The following CFAP54 variants were observed in gnomAD, a reference collection of about 807,000 sequenced individuals.
CFAP54 encodes the protein cilia and flagella associated protein 54, also known as cilia- and flagella-associated protein 54.
CFAP54 carries 290 observed loss-of-function variants against 370.4 expected under a neutral mutation model. The observed-to-expected ratio is 0.78, with a 90% CI of 0.71 to 0.86. The LOEUF (loss-of-function observed/expected upper bound fraction) is 0.86, where lower values mean the gene tolerates loss of function less well. Among genes scored for constraint, CFAP54 ranks in the 40% least tolerant of loss-of-function variants. CFAP54 has a pLI of 0.00. For synonymous variants in CFAP54, 1,206 were observed against 1,236.5 expected (o/e 0.98, Z 0.52); for missense variants, 3,399 against 3,528.7 (o/e 0.96, Z 0.93).
intron 9 of CFAP54, among the ~76,000 whole-genome samples, chr12:96,530,832 A>G (rs970882405): frequency 6.6e-6 from 1 of 152,232 alleles, no homozygotes; most frequent in Admixed American, 6.5e-5. Context: ...CATCCTTGAC[A>G]GAATTTGGTG....
intron 12 of CFAP54, among the ~76,000 whole-genome samples, chr12:96,537,995 C>T (rs545118783): frequency 3.3e-5 from 5 of 151,748 alleles, no homozygotes; most frequent in East Asian, 2.0e-4. Flanking sequence ...AGCTGAGGCA[C>T]GAGAATCGCT....
intron 35 of CFAP54, among the ~76,000 whole-genome samples, chr12:96,651,358 C>A (rs1956855500): frequency 6.6e-6 from 1 of 152,188 alleles, no homozygotes; most frequent in Admixed American, 6.5e-5. Flanking sequence ...ATTTCCTCAT[C>A]TGTAAATTGG....
At chr12:96,771,377 A>C (rs566576115) in intron 60 of CFAP54, among the ~76,000 whole-genome samples, 1 of 152,316 alleles carries the variant, frequency 6.6e-6, no homozygotes, top group East Asian at 1.9e-4. Context: ...TTAGTCCCGG[A>C]AGCAGTGGCT....
intron 26 of CFAP54, among the ~76,000 whole-genome samples, chr12:96,620,448 C>A (rs1388283711): frequency 6.6e-6 from 1 of 152,212 alleles, no homozygotes; most frequent in Non-Finnish European, 1.5e-5. Flanking sequence ...CCATGTAAGA[C>A]ATGACTTTGC....
chr12:96,733,542 GTT>G (rs35984233), intron 50 of CFAP54, among the ~76,000 whole-genome samples: 34,289 of 138,924 alleles, frequency 0.25, 4,204 homozygotes, highest in South Asian at 0.3. Context: ...AATCCTGTGG[GTT>G]TTTTTTTTTT....
chr12:96,730,877 T>A (rs1457414015), intron 50 of CFAP54, among the ~76,000 whole-genome samples: 1 of 152,238 alleles, frequency 6.6e-6, no homozygotes, highest in Non-Finnish European at 1.5e-5. Flanking sequence ...TAAATCTAGA[T>A]GACAGCAGAG....
Position 96,765,071 on chromosome 12 carries a change from T to A in CFAP54, c.8140-6T>A. ...TTTATAATTCTAATTTATGCATTAA[T>A]TGTAGGTCAGTGAAGCTGTGCTGGC... On this transcript the variant is annotated splice_region_variant and splice_polypyrimidine_tract_variant and intron_variant, in intron 59 of 67. Coordinates refer to ENST00000524981, the MANE Select transcript of CFAP54 (RefSeq NM_001306084.2). 7.0e-7 allele frequency: 1 copy of A among 1,426,234 alleles called. No homozygotes were observed. Among genetic ancestry groups the A allele is most frequent in the Non-Finnish European group, 9.4e-7 (1 of 1,069,328 alleles). The allele number at this position is 1,426,234 out of a possible 1,614,324, so 88.3% of individuals were successfully genotyped here. A position where few individuals can be genotyped will look rare whatever the true frequency, so the allele number is the denominator to read the frequency against.
intron 4 of CFAP54, among the ~76,000 whole-genome samples, chr12:96,508,211 T>C (rs896354163): frequency 6.6e-6 from 1 of 150,994 alleles, no homozygotes; most frequent in Non-Finnish European, 1.5e-5. Flanking sequence ...ACTGCAGCCT[T>C]GAGCCTTGAA....
chr12:96,678,277 C>T (rs1040482291), intron 39 of CFAP54, among the ~76,000 whole-genome samples: 3 of 151,700 alleles, frequency 2.0e-5, no homozygotes, highest in Admixed American at 6.6e-5. Context: ...TAATTTTTTT[C>T]TGAGACGGAG....
At chr12:96,781,468 C>T (rs1162456159) in intron 60 of CFAP54, among the ~76,000 whole-genome samples, 1 of 152,024 alleles carries the variant, frequency 6.6e-6, no homozygotes, top group Admixed American at 6.6e-5. Context: ...GCAAACAATT[C>T]CTATACAATC....
chr12:96,592,915 G>T (rs75807875), intron 24 of CFAP54, among the ~76,000 whole-genome samples: 13,435 of 151,930 alleles, frequency 0.088, 780 homozygotes, highest in Middle Eastern at 0.14. Context: ...AGTGAAACCC[G>T]TTGTAATCTT....
At chr12:96,860,502 C>A (rs1051934455) in intron 66 of CFAP54, among the ~76,000 whole-genome samples, 6 of 152,222 alleles carry the variant, frequency 3.9e-5, no homozygotes, top group Admixed American at 2.0e-4. Flanking sequence ...GGGAGATTTG[C>A]CAACTGGTCA....
At chr12:96,650,189 G>A in intron 35 of CFAP54, 117 bp downstream of exon 35, 1 of 888,174 alleles carries the variant, frequency 1.1e-6, no homozygotes, top group Non-Finnish European at 1.7e-6. Flanking sequence ...TTGTGACTTT[G>A]AGATCTCATC....
At chr12:96,595,921 A>C (rs550836479) in intron 25 of CFAP54, among the ~76,000 whole-genome samples, 2 of 152,120 alleles carry the variant, frequency 1.3e-5, no homozygotes, top group Admixed American at 6.6e-5. Flanking sequence ...ATTTTTACCC[A>C]TTGGAAGGTG....
intron 65 of CFAP54, among the ~76,000 whole-genome samples, chr12:96,819,802 C>G (rs983585897): frequency 3.9e-5 from 6 of 152,084 alleles, no homozygotes; most frequent in African/African-American, 1.4e-4. Flanking sequence ...TCATATTTAT[C>G]AAATAATGTC....
At chr12:96,803,820 G>T (rs1958849478) in intron 63 of CFAP54, among the ~76,000 whole-genome samples, 1 of 152,080 alleles carries the variant, frequency 6.6e-6, no homozygotes, top group Non-Finnish European at 1.5e-5. Context: ...GAAGGACATA[G>T]TTAACATGAA....
At chr12:96,651,918 GT>G in intron 36 of CFAP54, 103 bp downstream of exon 36, 1 of 736,488 alleles carries the variant, frequency 1.4e-6, no homozygotes, top group Non-Finnish European at 2.2e-6. Context: ...TTCTCATTTG[GT>G]TTGTCTACAT....
At chr12:96,655,063 A>G (rs1956906542) in intron 36 of CFAP54, among the ~76,000 whole-genome samples, 1 of 152,060 alleles carries the variant, frequency 6.6e-6, no homozygotes, top group Non-Finnish European at 1.5e-5. Flanking sequence ...AACAAATTGG[A>G]GGATTCACTA....
intron 17 of CFAP54, among the ~76,000 whole-genome samples, chr12:96,562,459 C>G (rs1363374431): frequency 6.8e-6 from 1 of 146,578 alleles, no homozygotes; most frequent in Non-Finnish European, 1.5e-5. Context: ...GACAGTCTCC[C>G]TCTGTCACCT....
Sources: gnomAD v4.1 joint callset for allele counts (sites outside exome capture counted in the v4.1 genomes callset) on GRCh38, gnomAD v4.1.1 for gene constraint, MANE v1.5 for transcripts, NCBI Gene and HGNC (gene_info 2026-07-23, HGNC 2026-07-21) for gene names.